Variants in STK11IP observed in about 807,000 individuals in gnomAD.
STK11IP encodes serine/threonine kinase 11 interacting protein, also known as serine/threonine-protein kinase 11-interacting protein.
In STK11IP, 103 loss-of-function variants were observed where a neutral mutation model predicts 131.7. The ratio of observed to expected loss-of-function variants is 0.78; its 90% CI spans 0.67 to 0.92. The LOEUF (loss-of-function observed/expected upper bound fraction) is 0.92. STK11IP is among the 40% of genes least tolerant of loss of function. The pLI is 0.00. For missense variants in STK11IP, 1,315 were observed against 1,385.7 expected (o/e 0.95, Z 0.81); for synonymous variants, 557 against 575.6 (o/e 0.97, Z 0.46).
At chr2:219,598,208 C>T (rs1473905766) in intron 2 of STK11IP, 28 bp downstream of exon 2, 2 of 1,500,692 alleles carry the variant, frequency 1.3e-6, no homozygotes, top group African/African-American at 2.8e-5. Flanking sequence ...TGGGCTGGGC[C>T]TCGGACCTCG....
In STK11IP at chr2:219,602,466, AG is replaced by A. The variant is rs758369014; in HGVS notation, c.439del. On this transcript the variant is annotated splice_acceptor_variant, in intron 5 of 24. Transcript: ENST00000456909. LOFTEE classifies it high-confidence loss of function. ...TAATGAAGCACCCATCTGTCTGCTC[AG>A]GAGCTCCTCTCAGCCTGCGGCGGCG... The A allele has an allele frequency of 1.2e-6, 2 of 1,612,736 alleles. No individual in the cohort carries two copies. The highest frequency in any genetic ancestry group is 1.7e-6 in the Non-Finnish European group (2 of 1,179,082).
intron 17 of STK11IP, among the ~76,000 whole-genome samples, chr2:219,609,863 T>C (rs1198388968): frequency 6.6e-6 from 1 of 152,072 alleles, no homozygotes; most frequent in African/African-American, 2.4e-5. Flanking sequence ...TTTTGGCTGA[T>C]ATTTCAGACA....
intron 23 of STK11IP, chr2:219,614,771 G>T: frequency 1.4e-6 from 1 of 701,148 alleles, no homozygotes; most frequent in Non-Finnish European, 2.6e-6. Flanking sequence ...CAGAGCCTTT[G>T]CTCTCGGGCC....
chr2:219,614,428 C>T (rs1559188702), intron 22 of STK11IP, 48 bp from the exon 23 acceptor site: 1 of 1,600,860 alleles, frequency 6.2e-7, no homozygotes. Flanking sequence ...TCTTCAAGTC[C>T]TTCCCACCCG....
At chr2:219,615,484 G>A (rs1334706881) in intron 24 of STK11IP, 143 bp downstream of exon 24, 2 of 1,159,282 alleles carry the variant, frequency 1.7e-6, no homozygotes, top group African/African-American at 3.1e-5. Flanking sequence ...AACTAGGGTT[G>A]GAGGAACTGG....
At chr2:219,615,899 C>A (rs1246900569) in intron 24 of STK11IP, 145 bp from the exon 25 acceptor site, 1 of 1,072,620 alleles carries the variant, frequency 9.3e-7, no homozygotes, top group Non-Finnish European at 1.4e-6. Flanking sequence ...GAGTCAGGAT[C>A]TTTTATGGGG....
chr2:219,602,408 G>T, intron 5 of STK11IP, 60 bp from the exon 6 acceptor site: 1 of 1,259,070 alleles, frequency 7.9e-7, no homozygotes, highest in Non-Finnish European at 1.1e-6. Flanking sequence ...GGTAGAGCTT[G>T]GCCTTGGCAT....
chr2:219,615,814 A>T (rs1408509969), intron 24 of STK11IP: 1 of 717,876 alleles, frequency 1.4e-6, no homozygotes, highest in Admixed American at 2.0e-5. Context: ...TCTTCTGTAC[A>T]ACAGGGAAGA....
intron 20 of STK11IP, among the ~76,000 whole-genome samples, chr2:219,613,483 C>G (rs1427368139): frequency 3.8e-4 from 2 of 5,310 alleles, no homozygotes; most frequent in African/African-American, 1.7e-3. Flanking sequence ...GTGGGGGGGA[C>G]GTGGGGTGAG....
chr2:219,598,214 C>A, intron 2 of STK11IP, 34 bp downstream of exon 2: 2 of 1,495,558 alleles, frequency 1.3e-6, no homozygotes, highest in Non-Finnish European at 9.0e-7. Flanking sequence ...GGGCCTCGGA[C>A]CTCGGACGAG....
At position 219,613,192 on chromosome 2, in the gene STK11IP, G is replaced by A. The variant is rs762677528; in HGVS notation, c.2504G>A (p.Arg835Lys). 1.3e-5 allele frequency: 21 copies of A among 1,610,032 alleles called. No individual in the cohort carries two copies. The African/African-American group carries it at 1.3e-4, about 10-fold the overall frequency. ...TGCCTTGTGGTTGTGTCTGACCGCA[G>A]GCTGTACCTGTTGAAGGTGACTGGG... is the stretch of plus-strand genomic sequence containing the variant. ...FMCLVVVSDR[R>K]LYLLKVTGEM... Residue 835 changes from arginine (R) to lysine (K), a missense_variant, in exon 20 of 25, where the codon AGG becomes AAG. By Grantham distance (26) the Arg-to-Lys change is conservative. Coordinates refer to ENST00000456909, the MANE Select transcript of STK11IP (RefSeq NM_052902.4).
chr2:219,611,642 G>A lies in STK11IP; in HGVS notation c.2143G>A (p.Val715Met), dbSNP rs774346753. ...GTGTCCTAACTGTGGTAGTGACCACGTGGTTCTCCTCGCTGTGTCTCGGGG... is the reference window on the plus strand; with the variant it reads ...GTGTCCTAACTGTGGTAGTGACCACATGGTTCTCCTCGCTGTGTCTCGGGG... ...AVCPNCGSDHVVLLAVSRGTP... is the reference protein window; with the variant it reads ...AVCPNCGSDHMVLLAVSRGTP... Residue 715 changes from valine to methionine, a missense_variant, in exon 18 of 25, where the codon GTG (valine) becomes ATG (methionine). Transcript: ENST00000456909. The A allele has an allele frequency of 6.2e-6, 10 of 1,613,042 alleles. No individual in the cohort carries two copies. The highest frequency in any genetic ancestry group is 1.6e-4 in the Middle Eastern group (1 of 6,084).
chr2:219,601,238 A>G lies in STK11IP; in HGVS notation c.65A>G (p.Asp22Gly), dbSNP rs779047512. ...CTGTTTGCCCCTTTTTCTGCAGGGG[A>G]TGTGGTCCTGTCTGGCTGTAGCACC... is the stretch of plus-strand genomic sequence containing the variant. ...KLAGLLRESG[D>G]VVLSGCSTLS... is the part of the protein sequence containing the mutation. Residue 22 changes from aspartate to glycine, a missense_variant, in exon 3 of 25, where the codon GAT (aspartate) becomes GGT (glycine). By Grantham distance (94) the Asp-to-Gly change is moderately conservative (BLOSUM62 -1). Transcript: ENST00000456909. The G allele has an allele frequency of 3.7e-6, 6 of 1,610,200 alleles. No individual in the cohort carries two copies. The African/African-American group carries it at 5.4e-5, about 14-fold the overall frequency.
chr2:219,608,096 G>C lies in STK11IP; in HGVS notation c.1269G>C (p.Arg423=). 6.2e-7 allele frequency: 1 copy of C among 1,613,004 alleles called. No homozygotes were observed. The change falls in exon 14 of 25, where the codon CGG becomes CGC. Residue 423 remains arginine, a synonymous_variant. Transcript: ENST00000456909. ...AGCTGGAGCTCATGAGCAGCTTCCGGGAACGGTTCGGCCGCAACTGGCTGC... is the reference window on the plus strand; with the variant it reads ...AGCTGGAGCTCATGAGCAGCTTCCGCGAACGGTTCGGCCGCAACTGGCTGC... ...HPELELMSSF[R]ERFGRNWLQY... is the part of the protein sequence containing the mutation.
intron 23 of STK11IP, 44 bp downstream of exon 23, chr2:219,614,590 T>C (rs624773): frequency 1 from 1,595,419 of 1,602,006 alleles, 794,672 homozygotes; most frequent in East Asian, 1. Context: ...CTCTGTACCC[T>C]ACCTTGTCAC....
intron 20 of STK11IP, 116 bp from the exon 21 acceptor site, chr2:219,613,636 T>C: frequency 9.0e-7 from 1 of 1,105,762 alleles, no homozygotes; most frequent in Non-Finnish European, 1.3e-6. Flanking sequence ...AGATGGGGTG[T>C]GGTGAGCGCA....
chr2:219,598,004 T>G (rs183377424), intron 1 of STK11IP, 81 bp downstream of exon 1: 24 of 1,586,472 alleles, frequency 1.5e-5, no homozygotes, highest in South Asian at 6.9e-5. Context: ...CGCCTTTTTC[T>G]CCGCATGACG....
chr2:219,608,690 C>T lies in STK11IP; in HGVS notation c.1711C>T (p.Leu571Phe). Residue 571 changes from leucine (L) to phenylalanine (F), a missense_variant, in exon 15 of 25, where the codon CTC becomes TTC. Leu to Phe is a conservative substitution (Grantham distance 22). Transcript: ENST00000456909. ...TTCTGCCCACCTGTTTGAGGTGGAACTCCAAGCAGCTCGCACCTTGGAGCG... is the reference window on the plus strand; with the variant it reads ...TTCTGCCCACCTGTTTGAGGTGGAATTCCAAGCAGCTCGCACCTTGGAGCG... ...VTSAHLFEVE[L>F]QAARTLERLE... The T allele has an allele frequency of 6.2e-7, 1 of 1,613,678 alleles. No individual in the cohort carries two copies. Among genetic ancestry groups the T allele is most frequent in the South Asian group, 1.1e-5 (1 of 91,068 alleles).
In STK11IP at chr2:219,615,257, G is replaced by C; in HGVS notation, c.3033G>C (p.Arg1011Ser). The change falls in exon 24 of 25, where the codon AGG becomes AGC. Residue 1011 changes from arginine to serine, a missense_variant. By Grantham distance (110) the Arg-to-Ser change is moderately radical (BLOSUM62 -1). Coordinates refer to ENST00000456909, the MANE Select transcript of STK11IP (RefSeq NM_052902.4). Reference protein sequence around the residue: ...PSGPGPAVRVREQQPLSSLSS... With the variant: ...PSGPGPAVRVSEQQPLSSLSS... ...GGCCGGGCCCTGCTGTGCGTGTCAGGGAGCAGCAGCCACTCAGCAGCCTGA... is the reference window on the plus strand; with the variant it reads ...GGCCGGGCCCTGCTGTGCGTGTCAGCGAGCAGCAGCCACTCAGCAGCCTGA... 1.9e-6 allele frequency: 3 copies of C among 1,597,704 alleles called. No individual in the cohort carries two copies. The highest frequency in any genetic ancestry group is 2.5e-6 in the Non-Finnish European group (3 of 1,177,378).
Sources: allele counts gnomAD v4.1 joint callset (sites outside exome capture counted in the v4.1 genomes callset), GRCh38; gene constraint gnomAD v4.1.1; transcripts MANE v1.5; gene names NCBI Gene and HGNC (gene_info 2026-07-23, HGNC 2026-07-21).